PDZRN4: variants seen among roughly 807,000 people sequenced by gnomAD.
PDZRN4 encodes PDZ domain containing ring finger 4.
Under a neutral mutation model 99.0 loss-of-function variants are expected in PDZRN4, and 70 were observed. That is an observed-to-expected ratio of 0.71 (90% CI 0.58 to 0.86). The LOEUF is 0.86. Among genes scored for constraint, PDZRN4 ranks in the 40% least tolerant of loss-of-function variants. The probability of loss-of-function intolerance (pLI) is 0.00; values close to 1 mark genes in which losing one functional copy is unlikely to be tolerated. For synonymous variants in PDZRN4, 551 were observed against 501.6 expected, an observed-to-expected ratio of 1.10 and a Z score of -1.32; for missense variants, 1,474 against 1,331.2, an observed-to-expected ratio of 1.11 and a Z score of -1.67.
intron 5 of PDZRN4, among the ~76,000 whole-genome samples, chr12:41,512,197 A>C (rs1938317871): frequency 6.6e-6 from 1 of 152,104 alleles, no homozygotes. Flanking sequence ...TAAATATTTA[A>C]TGAGGACTTA....
chr12:41,528,103 G>A (rs139368674), intron 5 of PDZRN4, among the ~76,000 whole-genome samples: 3 of 152,182 alleles, frequency 2.0e-5, no homozygotes, highest in African/African-American at 4.8e-5. Flanking sequence ...TTACAGTAGT[G>A]CCTACTTCTA....
intron 7 of PDZRN4, among the ~76,000 whole-genome samples, chr12:41,560,980 C>T (rs1939260094): frequency 6.6e-6 from 1 of 152,092 alleles, no homozygotes; most frequent in Non-Finnish European, 1.5e-5. Context: ...GATTTCATCC[C>T]AGGTACGATC....
At chr12:41,530,587 GCA>G (rs1938644208) in intron 5 of PDZRN4, among the ~76,000 whole-genome samples, 1 of 152,160 alleles carries the variant, frequency 6.6e-6, no homozygotes, top group Admixed American at 6.5e-5. Flanking sequence ...ATTCTTTTAT[GCA>G]TAGACTGGTG....
intron 3 of PDZRN4, among the ~76,000 whole-genome samples, chr12:41,501,362 A>T (rs895219976): frequency 2.0e-5 from 3 of 152,126 alleles, no homozygotes; most frequent in South Asian, 4.1e-4. Flanking sequence ...AAAATTTTGC[A>T]TGTGGTTGGA....
At chr12:41,378,981 T>C (rs1185443232) in intron 3 of PDZRN4, among the ~76,000 whole-genome samples, 3 of 152,198 alleles carry the variant, frequency 2.0e-5, no homozygotes, top group Non-Finnish European at 2.9e-5. Flanking sequence ...AGTCTATCTG[T>C]TTTTCAAAGG....
At chr12:41,529,996 C>T (rs928482538) in intron 5 of PDZRN4, among the ~76,000 whole-genome samples, 1 of 152,176 alleles carries the variant, frequency 6.6e-6, no homozygotes, top group Non-Finnish European at 1.5e-5. Flanking sequence ...GAAGAAGCAA[C>T]CTGTGTCTGT....
At chr12:41,568,257 AT>A (rs1171575238) in intron 9 of PDZRN4, among the ~76,000 whole-genome samples, 1 of 152,006 alleles carries the variant, frequency 6.6e-6, no homozygotes, top group South Asian at 2.1e-4. Flanking sequence ...CCAATAAGTA[AT>A]TTTTTTTACT....
intron 3 of PDZRN4, among the ~76,000 whole-genome samples, chr12:41,283,503 T>A (rs981778942): frequency 1.3e-5 from 2 of 152,162 alleles, no homozygotes; most frequent in Admixed American, 6.5e-5. Flanking sequence ...CCTCCCTAAC[T>A]CATTTGATGA....
At chr12:41,393,686 G>C (rs1233236067) in intron 3 of PDZRN4, among the ~76,000 whole-genome samples, 1 of 152,144 alleles carries the variant, frequency 6.6e-6, no homozygotes, top group Non-Finnish European at 1.5e-5. Context: ...TTTATGCAAG[G>C]CTTGCAGAGT....
chr12:41,337,370 G>T (rs1161345899), intron 3 of PDZRN4, among the ~76,000 whole-genome samples: 1 of 151,946 alleles, frequency 6.6e-6, no homozygotes, highest in Non-Finnish European at 1.5e-5. Context: ...TTCTCAAATG[G>T]TACCCACAGG....
At chr12:41,470,240 C>G (rs1952972965) in intron 3 of PDZRN4, among the ~76,000 whole-genome samples, 1 of 152,118 alleles carries the variant, frequency 6.6e-6, no homozygotes, top group African/African-American at 2.4e-5. Context: ...AACAAATCAC[C>G]CTCATGCTTA....
At chr12:41,466,751 G>GTTTTTTTTTTTTTTTTTTGTTT in intron 3 of PDZRN4, among the ~76,000 whole-genome samples, 1 of 122,156 alleles carries the variant, frequency 8.2e-6, no homozygotes, top group Non-Finnish European at 1.7e-5. Context: ...TATTTCCAGT[G>GTTTTTTTTTTTTTTTTTTGTTT]TTTTTTTTTT....
intron 3 of PDZRN4, among the ~76,000 whole-genome samples, chr12:41,499,740 T>C (rs1938078334): frequency 6.6e-6 from 1 of 151,950 alleles, no homozygotes; most frequent in African/African-American, 2.4e-5. Flanking sequence ...ATACGAAAAA[T>C]TAAAAATGAG....
intron 3 of PDZRN4, among the ~76,000 whole-genome samples, chr12:41,254,066 T>C (rs1004682017): frequency 1.3e-5 from 2 of 151,916 alleles, no homozygotes; most frequent in East Asian, 3.9e-4. Context: ...TTTGCGTGTG[T>C]GTGTTTATTA....
chr12:41,400,366 A>G (rs903576235), intron 3 of PDZRN4, among the ~76,000 whole-genome samples: 28 of 152,246 alleles, frequency 1.8e-4, no homozygotes, highest in African/African-American at 6.7e-4. Flanking sequence ...CTCCATGTGA[A>G]ATAGTCCACT....
chr12:41,257,871 CCT>C (rs1354723371), intron 3 of PDZRN4, among the ~76,000 whole-genome samples: 1 of 152,070 alleles, frequency 6.6e-6, no homozygotes, highest in African/African-American at 2.4e-5. Context: ...TTAAAATTTG[CCT>C]GTTTATATAT....
intron 3 of PDZRN4, among the ~76,000 whole-genome samples, chr12:41,248,576 G>A (rs901888672): frequency 3.3e-5 from 5 of 152,102 alleles, no homozygotes; most frequent in African/African-American, 9.7e-5. Flanking sequence ...TTCGAATGGC[G>A]GTAATTAATC....
chr12:41,295,600 T>G (rs570368712), intron 3 of PDZRN4, among the ~76,000 whole-genome samples: 2 of 152,190 alleles, frequency 1.3e-5, no homozygotes, highest in South Asian at 2.1e-4. Context: ...CTTCAAAAAG[T>G]TCTTGGAAAA....
chr12:41,480,269 C>T (rs1937651963), intron 3 of PDZRN4, among the ~76,000 whole-genome samples: 1 of 152,132 alleles, frequency 6.6e-6, no homozygotes, highest in South Asian at 2.1e-4. Context: ...GATCACAATA[C>T]ATGCAAATCT....
Sources: gnomAD v4.1 joint callset for allele counts (sites outside exome capture counted in the v4.1 genomes callset) on GRCh38, gnomAD v4.1.1 for gene constraint, MANE v1.5 for transcripts, NCBI Gene and HGNC (gene_info 2026-07-23, HGNC 2026-07-21) for gene names.